Variants in ZNF804B observed in about 807,000 individuals in gnomAD.
ZNF804B encodes zinc finger 804B.
Under a neutral mutation model 101.4 loss-of-function variants are expected in ZNF804B, and 80 were observed. The observed-to-expected ratio is 0.79, with a 90% CI of 0.66 to 0.95. The LOEUF (loss-of-function observed/expected upper bound fraction) is 0.95, where lower values mean the gene tolerates loss of function less well. Ranked by LOEUF, ZNF804B falls within the 40% of genes least tolerant of loss-of-function variation. The pLI is 0.00. For missense variants in ZNF804B, 1,673 were observed against 1,561.9 expected (o/e 1.07, Z -1.20); for synonymous variants, 622 against 558.8 (o/e 1.11, Z -1.59).
chr7:88,811,746 C>T (rs1472477431), intron 1 of ZNF804B, among the ~76,000 whole-genome samples: 1 of 152,126 alleles, frequency 6.6e-6, no homozygotes, highest in Non-Finnish European at 1.5e-5. Context: ...GCCGTATGCT[C>T]TCATTCATAA....
chr7:89,247,194 C>A (rs1458377195), intron 2 of ZNF804B, among the ~76,000 whole-genome samples: 1 of 152,214 alleles, frequency 6.6e-6, no homozygotes, highest in Non-Finnish European at 1.5e-5. Flanking sequence ...TCTCCTTTGA[C>A]ACTGATGTCT....
At chr7:89,255,142 G>A (rs1434310483) in intron 2 of ZNF804B, among the ~76,000 whole-genome samples, 1 of 152,188 alleles carries the variant, frequency 6.6e-6, no homozygotes, top group Non-Finnish European at 1.5e-5. Context: ...AAGAGGAGAA[G>A]TAGGCGCCTT....
chr7:89,290,467 A>C (rs1198958482), intron 2 of ZNF804B, among the ~76,000 whole-genome samples: 2 of 152,104 alleles, frequency 1.3e-5, no homozygotes, highest in Non-Finnish European at 2.9e-5. Context: ...GCCTTCCTGG[A>C]GCCAGAGAGC....
chr7:89,327,193 A>G, intron 2 of ZNF804B, 151 bp from the exon 3 acceptor site: 1 of 637,130 alleles, frequency 1.6e-6, no homozygotes, highest in Non-Finnish European at 2.4e-6. Context: ...GTCTTGGAGC[A>G]GAGAATAGCA....
At chr7:88,828,285 A>T (rs1402791209) in intron 1 of ZNF804B, among the ~76,000 whole-genome samples, 1 of 152,172 alleles carries the variant, frequency 6.6e-6, no homozygotes, top group Non-Finnish European at 1.5e-5. Flanking sequence ...TTTAGGGTAT[A>T]GGACATTTCT....
intron 1 of ZNF804B, among the ~76,000 whole-genome samples, chr7:89,167,280 TAAA>T (rs565635692): frequency 7.0e-6 from 1 of 142,910 alleles, no homozygotes; most frequent in Non-Finnish European, 1.5e-5. Context: ...TGCTAAAAAT[TAAA>T]AAAAAAAAAA....
At chr7:88,913,263 T>A (rs953589108) in intron 1 of ZNF804B, among the ~76,000 whole-genome samples, 1 of 152,208 alleles carries the variant, frequency 6.6e-6, no homozygotes, top group Non-Finnish European at 1.5e-5. Context: ...ATATTATATA[T>A]CTTTTTATGG....
intron 2 of ZNF804B, among the ~76,000 whole-genome samples, chr7:89,265,265 AGTGTGTGTGT>A (rs71102029): frequency 1.1e-4 from 16 of 145,124 alleles, no homozygotes; most frequent in East Asian, 2.1e-4. Flanking sequence ...AGGTTAAGTC[AGTGTGTGTGT>A]GTGTGTGTGT....
chr7:89,323,480 G>C (rs1790850418), intron 2 of ZNF804B, among the ~76,000 whole-genome samples: 1 of 152,064 alleles, frequency 6.6e-6, no homozygotes, highest in Non-Finnish European at 1.5e-5. Context: ...AAAATGCATA[G>C]AAGTTATTCA....
In ZNF804B at chr7:88,935,777, AC is replaced by A. The variant is rs933095666; in HGVS notation, c.108+175694del. ...GGTGCCATAAGTTTTCAGGAAAATTACTAAAAAAATTTTTTTATCCTATTTG... is the reference window on the plus strand; with the variant it reads ...GGTGCCATAAGTTTTCAGGAAAATTATAAAAAAATTTTTTTATCCTATTTG... On this transcript the variant is annotated intron_variant, in intron 1 of 3. Transcript: ENST00000333190. Among the ~76,000 whole-genome samples the A allele has an allele frequency of 2.3e-4, 35 of 152,102 alleles. No homozygotes were observed. In the East Asian group the frequency reaches 4.1e-3, roughly 18 times the overall value.
chr7:88,935,664 G>A (rs909948317), intron 1 of ZNF804B, among the ~76,000 whole-genome samples: 2 of 151,940 alleles, frequency 1.3e-5, no homozygotes, highest in East Asian at 3.9e-4. Context: ...CAATGTCCAA[G>A]ATGCCATATT....
At chr7:88,881,173 A>G (rs1341325405) in intron 1 of ZNF804B, among the ~76,000 whole-genome samples, 1 of 152,128 alleles carries the variant, frequency 6.6e-6, no homozygotes, top group Non-Finnish European at 1.5e-5. Flanking sequence ...GTTATTTATA[A>G]AAATAAATGA....
intron 1 of ZNF804B, among the ~76,000 whole-genome samples, chr7:88,896,416 T>G (rs1052829117): frequency 2.0e-5 from 3 of 152,040 alleles, no homozygotes; most frequent in Non-Finnish European, 4.4e-5. Flanking sequence ...AAAGGAATAA[T>G]GAAACTAAAA....
chr7:89,198,697 A>C (rs1788589311), intron 1 of ZNF804B, among the ~76,000 whole-genome samples: 1 of 151,970 alleles, frequency 6.6e-6, no homozygotes, highest in Admixed American at 6.6e-5. Flanking sequence ...CTGCTTTTTT[A>C]TAAAGTAGTA....
intron 1 of ZNF804B, among the ~76,000 whole-genome samples, chr7:89,063,116 G>A (rs1473597258): frequency 1.3e-5 from 2 of 152,188 alleles, no homozygotes; most frequent in Admixed American, 6.5e-5. Context: ...TATATTGTAA[G>A]TATTAGCAAT....
At chr7:88,967,952 G>A (rs146371372) in intron 1 of ZNF804B, among the ~76,000 whole-genome samples, 37 of 151,552 alleles carry the variant, frequency 2.4e-4, no homozygotes, top group Non-Finnish European at 3.8e-4. Flanking sequence ...TGGAAGCTGA[G>A]CAGGGTCTTT....
intron 2 of ZNF804B, among the ~76,000 whole-genome samples, chr7:89,319,025 T>G (rs532542674): frequency 9.2e-5 from 14 of 152,216 alleles, no homozygotes; most frequent in Non-Finnish European, 1.9e-4. Flanking sequence ...AACACGCCCT[T>G]AAGACACAGA....
chr7:88,868,414 C>A (rs1204443234), intron 1 of ZNF804B, among the ~76,000 whole-genome samples: 1 of 152,154 alleles, frequency 6.6e-6, no homozygotes, highest in African/African-American at 2.4e-5. Context: ...TTTCTCATTA[C>A]TTCTACCTCA....
intron 1 of ZNF804B, among the ~76,000 whole-genome samples, chr7:89,021,571 C>T (rs1033399284): frequency 6.6e-6 from 1 of 152,202 alleles, no homozygotes; most frequent in African/African-American, 2.4e-5. Flanking sequence ...AGGTACATCA[C>T]TGCTAGGCCA....
Sources: gnomAD v4.1 joint callset for allele counts (sites outside exome capture counted in the v4.1 genomes callset) on GRCh38, gnomAD v4.1.1 for gene constraint, MANE v1.5 for transcripts, NCBI Gene and HGNC (gene_info 2026-07-23, HGNC 2026-07-21) for gene names.